Variants in OCIAD1 observed in about 807,000 individuals in gnomAD.
OCIAD1 encodes the protein OCIA domain containing 1.
Under a neutral mutation model 38.9 loss-of-function variants are expected in OCIAD1, and 29 were observed. That is an observed-to-expected ratio of 0.74 (90% CI 0.55 to 1.02). The LOEUF (loss-of-function observed/expected upper bound fraction) is 1.02, where lower values mean the gene tolerates loss of function less well. Among genes scored for constraint, OCIAD1 ranks in the 50% least tolerant of loss-of-function variants. OCIAD1 has a pLI of 0.00. For synonymous variants in OCIAD1, 110 were observed against 92.0 expected (o/e 1.20, Z -1.12); for missense variants, 288 against 289.6 (o/e 0.99, Z 0.04).
chr4:48,829,879 A>G (rs1243386672), upstream of OCIAD1, among the ~76,000 whole-genome samples: 1 of 152,220 alleles, frequency 6.6e-6, no homozygotes, highest in Non-Finnish European at 1.5e-5. Context: ...AAAAAAGATC[A>G]CTATTCAGTG....
At chr4:48,856,334 A>G (rs1030676166) in intron 7 of OCIAD1, 1 of 152,228 alleles carries the variant, frequency 6.6e-6, no homozygotes, top group Non-Finnish European at 1.5e-5. Context: ...AATGAAAACA[A>G]CACATATTCT....
chr4:48,835,143 A>G (rs1777869724), intron 3 of OCIAD1, among the ~76,000 whole-genome samples: 1 of 152,164 alleles, frequency 6.6e-6, no homozygotes, highest in African/African-American at 2.4e-5. Context: ...TATGTTGGCC[A>G]GGCTGATCTC....
chr4:48,829,139 G>A (rs369022787), upstream of OCIAD1, among the ~76,000 whole-genome samples: 112 of 151,896 alleles, frequency 7.4e-4, no homozygotes, highest in Middle Eastern at 0.017. Context: ...GCACACCTGT[G>A]GTCCCAGCTA....
intron 1 of OCIAD1, among the ~76,000 whole-genome samples, chr4:48,812,069 G>A (rs1777093995): frequency 6.6e-6 from 1 of 151,548 alleles, no homozygotes; most frequent in Admixed American, 6.6e-5. Context: ...GGATCATTGA[G>A]GTCAGGAGTT....
intron 8 of OCIAD1, 119 bp downstream of exon 8, chr4:48,857,484 A>T (rs1377411917): frequency 5.5e-6 from 3 of 548,056 alleles, no homozygotes; most frequent in Non-Finnish European, 8.7e-6. Context: ...CAATTAACCA[A>T]AGTAAAATAT....
intron 1 of OCIAD1, among the ~76,000 whole-genome samples, chr4:48,813,847 T>A (rs1479106619): frequency 6.6e-6 from 1 of 152,210 alleles, no homozygotes; most frequent in Non-Finnish European, 1.5e-5. Flanking sequence ...TGAATAACTA[T>A]TTAAATGTTA....
intron 7 of OCIAD1, among the ~76,000 whole-genome samples, chr4:48,853,176 G>A (rs1477369384): frequency 6.6e-6 from 1 of 151,984 alleles, no homozygotes; most frequent in Non-Finnish European, 1.5e-5. Flanking sequence ...ACTGCCCCCG[G>A]CCTGTTTTTG....
intron 1 of OCIAD1, among the ~76,000 whole-genome samples, chr4:48,808,020 A>T (rs1179876065): frequency 6.6e-6 from 1 of 152,228 alleles, no homozygotes; most frequent in Non-Finnish European, 1.5e-5. Context: ...TACTATTTTT[A>T]TAAACAAGGG....
At chr4:48,851,731 G>A (rs527408276) in intron 6 of OCIAD1, 75 bp from the exon 7 acceptor site, 4 of 766,502 alleles carry the variant, frequency 5.2e-6, no homozygotes, top group Non-Finnish European at 8.3e-6. Flanking sequence ...CTATATGAAA[G>A]AAGTTATTTT....
At position 48,832,686 on chromosome 4, in the gene OCIAD1, A is replaced by C; in HGVS notation, c.58+4A>C. The C allele has an allele frequency of 3.7e-6, 6 of 1,602,890 alleles. No individual in the cohort carries two copies. Among genetic ancestry groups the C allele is most frequent in the Non-Finnish European group, 5.1e-6 (6 of 1,169,772 alleles). On this transcript the variant is annotated splice_donor_region_variant and intron_variant, in intron 2 of 8. Transcript: ENST00000264312. ...GAGGTTCCAAGACCAATTCCCCGTA[A>C]CTATCTATTAAGTATTTATAATTAG...
intron 8 of OCIAD1, among the ~76,000 whole-genome samples, chr4:48,858,655 A>G (rs1043066897): frequency 1.3e-5 from 2 of 151,928 alleles, no homozygotes; most frequent in Non-Finnish European, 1.5e-5. Flanking sequence ...GTTTTTCCCT[A>G]TGTTGCCAAG....
Position 48,857,244 on chromosome 4 carries a change from A to G in OCIAD1, c.579A>G (p.Lys193=). ...GPDPNLEESP[K]RKNITYEELR... ...ATCCCAACCTTGAAGAAAGTCCTAAAAGAAAAAATATTACATATGAGGAAT... is the reference window on the plus strand; with the variant it reads ...ATCCCAACCTTGAAGAAAGTCCTAAGAGAAAAAATATTACATATGAGGAAT... The change falls in exon 8 of 9, where the codon AAA becomes AAG. Residue 193 remains lysine, a synonymous_variant. Coordinates refer to ENST00000264312, the MANE Select transcript of OCIAD1 (RefSeq NM_017830.4). 6.4e-7 allele frequency: 1 copy of G among 1,568,918 alleles called. No individual in the cohort carries two copies. The highest frequency in any genetic ancestry group is 1.2e-5 in the South Asian group (1 of 82,310).
intron 4 of OCIAD1, among the ~76,000 whole-genome samples, chr4:48,848,140 C>A (rs1161165135): frequency 6.6e-6 from 1 of 151,826 alleles, no homozygotes; most frequent in African/African-American, 2.4e-5. Context: ...TTCATACACA[C>A]ACACATATAT....
intron 1 of OCIAD1, among the ~76,000 whole-genome samples, chr4:48,814,369 T>C (rs1777123076): frequency 2.0e-5 from 3 of 150,882 alleles, no homozygotes; most frequent in Admixed American, 2.0e-4. Flanking sequence ...AATTATAAAG[T>C]CACCTAGACG....
upstream of OCIAD1, among the ~76,000 whole-genome samples, chr4:48,828,494 A>G (rs955657120): frequency 7.9e-5 from 12 of 152,182 alleles, no homozygotes; most frequent in African/African-American, 2.9e-4. Context: ...TGCTCTTTGC[A>G]ATAAATCTTG....
intron 1 of OCIAD1, among the ~76,000 whole-genome samples, chr4:48,813,340 T>C (rs1178130514): frequency 1.3e-5 from 2 of 152,198 alleles, no homozygotes; most frequent in East Asian, 3.8e-4. Context: ...GTAAGTGTTA[T>C]CCTACAGGCA....
chr4:48,852,888 T>TG (rs71191268), intron 7 of OCIAD1, among the ~76,000 whole-genome samples: 16 of 127,498 alleles, frequency 1.3e-4, no homozygotes, highest in East Asian at 4.5e-4. Context: ...TTTTGTTTTT[T>TG]TTTTTTTTTT....
At chr4:48,838,592 T>G (rs1778227017) in intron 3 of OCIAD1, among the ~76,000 whole-genome samples, 1 of 152,180 alleles carries the variant, frequency 6.6e-6, no homozygotes, top group Non-Finnish European at 1.5e-5. Flanking sequence ...ATTTTGTACT[T>G]TAACATTTGT....
At position 48,849,992 on chromosome 4, in the gene OCIAD1, A is replaced by G. The variant is rs143328410; in HGVS notation, c.287A>G (p.Lys96Arg). The G allele has an allele frequency of 3.7e-5, 60 of 1,612,972 alleles. No homozygotes were observed. The highest frequency in any genetic ancestry group is 4.4e-5 in the Non-Finnish European group (52 of 1,179,714). The change falls in exon 6 of 9, where the codon AAA becomes AGA. Residue 96 changes from lysine to arginine, a missense_variant. By Grantham distance (26) the Lys-to-Arg change is conservative. Coordinates refer to ENST00000264312, the MANE Select transcript of OCIAD1 (RefSeq NM_017830.4). Reference sequence around the variant, plus strand: ...TTTGCTGGAAAACTTTCTTATGTGAAAACTTGCCAAGAGAAATTCAAGAAA... The same window carrying G: ...TTTGCTGGAAAACTTTCTTATGTGAGAACTTGCCAAGAGAAATTCAAGAAA... ...GYFAGKLSYV[K>R]TCQEKFKKLE...
Sources: allele counts gnomAD v4.1 joint callset (sites outside exome capture counted in the v4.1 genomes callset), GRCh38; gene constraint gnomAD v4.1.1; transcripts MANE v1.5; gene names NCBI Gene and HGNC (gene_info 2026-07-23, HGNC 2026-07-21).